Variants in DNAH5 observed in about 807,000 individuals in gnomAD.
DNAH5 encodes the protein dynein axonemal heavy chain 5.
DNAH5 carries 372 observed loss-of-function variants against 518.2 expected under a neutral mutation model. That is an observed-to-expected ratio of 0.72 (90% confidence interval 0.66 to 0.78). DNAH5 has a LOEUF of 0.78. Ranked by LOEUF, DNAH5 falls within the 30% of genes least tolerant of loss-of-function variation. DNAH5 has a pLI of 0.00. For synonymous variants in DNAH5, 2,039 were observed against 2,025.9 expected, an observed-to-expected ratio of 1.01 and a Z score of -0.17; for missense variants, 5,523 against 5,687.0, an observed-to-expected ratio of 0.97 and a Z score of 0.93.
At chr5:13,703,109 C>T (rs776721217) in intron 76 of DNAH5, among the ~76,000 whole-genome samples, 4 of 152,094 alleles carry the variant, frequency 2.6e-5, no homozygotes, top group Non-Finnish European at 4.4e-5. Context: ...CATTCTGGAA[C>T]ATTCTCTCCA....
At chr5:13,892,676 C>A (rs533505892) in intron 16 of DNAH5, among the ~76,000 whole-genome samples, 1 of 152,198 alleles carries the variant, frequency 6.6e-6, no homozygotes, top group South Asian at 2.1e-4. Context: ...TACTAGTGTT[C>A]TAAAGGAAGG....
intron 6 of DNAH5, among the ~76,000 whole-genome samples, chr5:13,919,667 T>C (rs1213887997): frequency 6.6e-6 from 1 of 152,206 alleles, no homozygotes; most frequent in Non-Finnish European, 1.5e-5. Flanking sequence ...TTTACATATT[T>C]ATGGGGTACA....
At chr5:13,864,274 G>C in intron 28 of DNAH5, 123 bp downstream of exon 28, 1 of 1,336,796 alleles carries the variant, frequency 7.5e-7, no homozygotes, top group East Asian at 2.3e-5. Flanking sequence ...ACTAGTGGCT[G>C]AATGCCAGGA....
At chr5:13,987,087 T>C (rs1783105063) in intron 1 of DNAH5, among the ~76,000 whole-genome samples, 2 of 152,172 alleles carry the variant, frequency 1.3e-5, no homozygotes, top group Admixed American at 1.3e-4. Flanking sequence ...TGTGGCCTCA[T>C]GGCAGAAGCC....
At chr5:14,006,291 G>C (rs1177941244) in intron 1 of DNAH5, among the ~76,000 whole-genome samples, 5 of 152,112 alleles carry the variant, frequency 3.3e-5, no homozygotes, top group Non-Finnish European at 7.4e-5. Flanking sequence ...GCTATAACAG[G>C]GACTAACTGA....
At chr5:13,694,268 A>G (rs1741073072) in intron 78 of DNAH5, among the ~76,000 whole-genome samples, 1 of 152,228 alleles carries the variant, frequency 6.6e-6, no homozygotes, top group Admixed American at 6.5e-5. Context: ...ATCCAATTCT[A>G]TTTATTTTTA....
intron 49 of DNAH5, among the ~76,000 whole-genome samples, chr5:13,793,159 G>T (rs1013855804): frequency 6.6e-6 from 1 of 152,036 alleles, no homozygotes; most frequent in Non-Finnish European, 1.5e-5. Context: ...ATAAACTTTC[G>T]ACATGGAACA....
At position 13,911,428 on chromosome 5, in the gene DNAH5, G is replaced by T. The variant is rs753367747; in HGVS notation, c.1602C>A (p.Asp534Glu). 3 of 1,613,784 alleles carry T rather than the reference G, an allele frequency of 1.9e-6. No homozygotes were observed. The highest frequency in any genetic ancestry group is 1.3e-5 in the African/African-American group (1 of 74,872). The change falls in exon 12 of 79, where the codon GAC becomes GAA. Residue 534 changes from aspartate to glutamate, a missense_variant. Physicochemically the swap from Asp to Glu is conservative, Grantham distance 45. This residue lies in a region of DNAH5 where 5,121 missense variants were observed against 5,223.3 expected (regional missense o/e 0.98). Transcript: ENST00000265104. ...NFLDQRKMDF[D>E]QDYEEFCKQT... The stretch of plus-strand genomic sequence containing the variant: ...GCTTGCAAAACTCTTCGTAATCTTG[G>T]TCAAAATCCATTTTCCGCTGGTCTA...
At chr5:13,795,731 G>T (rs1430235762) in intron 47 of DNAH5, among the ~76,000 whole-genome samples, 1 of 101,448 alleles carries the variant, frequency 9.9e-6, no homozygotes, top group Non-Finnish European at 2.1e-5. Context: ...ACCAAAGCCT[G>T]GCAGAGTCAC....
In DNAH5 at chr5:13,779,255, C is replaced by G. The variant is rs574744885; in HGVS notation, c.8951+1574G>C. Reference sequence around the variant, plus strand: ...ATTTCTAACCAAAAACTAGAAGAATCATATGCAAGGTAACTAGAATTATTT... The same window carrying G: ...ATTTCTAACCAAAAACTAGAAGAATGATATGCAAGGTAACTAGAATTATTT... On this transcript the variant is annotated intron_variant, in intron 53 of 78. Coordinates refer to ENST00000265104, the MANE Select transcript of DNAH5 (RefSeq NM_001369.3). Among the ~76,000 whole-genome samples, 5 of 152,332 alleles carry G rather than the reference C, an allele frequency of 3.3e-5. No homozygotes were observed. In the East Asian group the frequency reaches 9.6e-4, roughly 29 times the overall value.
At chr5:13,726,872 C>T (rs145500005) in intron 70 of DNAH5, among the ~76,000 whole-genome samples, 24 of 152,292 alleles carry the variant, frequency 1.6e-4, no homozygotes, top group African/African-American at 2.6e-4. Context: ...TGAATATCAG[C>T]GTTAAACTTT....
chr5:13,709,840 C>T lies in DNAH5; in HGVS notation c.13126-1505G>A, dbSNP rs558252550. 7.2e-4 allele frequency among the ~76,000 whole-genome samples: 110 copies of T among 152,318 alleles called. 1 individual carries two copies. The highest frequency in any genetic ancestry group is 2.6e-3 in the African/African-American group (106 of 41,564). Reference sequence around the variant, plus strand: ...TAAGGAGAGGCTGAGATCAGACACACCTAGCCTTGCCCCTACTTGGTGGTC... The same window carrying T: ...TAAGGAGAGGCTGAGATCAGACACATCTAGCCTTGCCCCTACTTGGTGGTC... On this transcript the variant is annotated intron_variant, in intron 75 of 78. Transcript: ENST00000265104.
At chr5:13,692,184 G>A (rs368864209) in intron 78 of DNAH5, 49 bp from the exon 79 acceptor site, 16 of 1,601,436 alleles carry the variant, frequency 1.0e-5, no homozygotes, top group South Asian at 7.7e-5. Flanking sequence ...CCACTTTAGA[G>A]CCCAAGGAGA....
intron 52 of DNAH5, among the ~76,000 whole-genome samples, 181 bp from the exon 53 acceptor site, chr5:13,781,140 C>T (rs1755064794): frequency 6.6e-6 from 1 of 152,250 alleles, no homozygotes; most frequent in South Asian, 2.1e-4. Context: ...CAGTGTTGGG[C>T]TGCATCAGAC....
At chr5:13,951,395 T>C (rs867885559) in intron 1 of DNAH5, among the ~76,000 whole-genome samples, 1 of 151,716 alleles carries the variant, frequency 6.6e-6, no homozygotes, top group South Asian at 2.1e-4. Context: ...TTCTTACTTA[T>C]TTTTTGTAGA....
intron 22 of DNAH5, 43 bp from the exon 23 acceptor site, chr5:13,871,808 A>C (rs1770145930): frequency 1.3e-6 from 2 of 1,543,442 alleles, no homozygotes; most frequent in South Asian, 2.2e-5. Flanking sequence ...GAAGAATCTG[A>C]AAGGCACAAT....
chr5:13,748,720 C>A (rs1048130112), intron 65 of DNAH5, among the ~76,000 whole-genome samples: 4 of 152,108 alleles, frequency 2.6e-5, no homozygotes, highest in African/African-American at 4.8e-5. Context: ...GATTTTTGCA[C>A]ATTGCTTTTG....
chr5:13,721,175 G>A lies in DNAH5; in HGVS notation c.12104C>T (p.Thr4035Met), dbSNP rs200894344. Residue 4035 changes from threonine (T) to methionine (M), a missense_variant, in exon 71 of 79, where the codon ACG becomes ATG. Thr to Met is a moderately conservative substitution (Grantham distance 81). This residue lies in a region of DNAH5 where 5,121 missense variants were observed against 5,223.3 expected (regional missense o/e 0.98). Coordinates refer to ENST00000265104, the MANE Select transcript of DNAH5 (RefSeq NM_001369.3). ...AEGVILDLEKTWEESDPRTPL... is the reference protein window; with the variant it reads ...AEGVILDLEKMWEESDPRTPL... ...CGTCCGTGGATCAGATTCCTCCCAC[G>A]TCTTCTCCAAGTCTAAAATAACACC... 97 of 1,614,076 alleles carry A rather than the reference G, an allele frequency of 6.0e-5. 1 individual carries two copies. Among genetic ancestry groups the A allele is most frequent in the Non-Finnish European group, 6.7e-5 (79 of 1,179,980 alleles).
intron 50 of DNAH5, among the ~76,000 whole-genome samples, chr5:13,789,295 T>C (rs1304377211): frequency 2.6e-5 from 4 of 152,168 alleles, no homozygotes; most frequent in East Asian, 1.9e-4. Context: ...AACTCTCATG[T>C]ATACAACTGA....
Sources: allele counts gnomAD v4.1 joint callset (sites outside exome capture counted in the v4.1 genomes callset), GRCh38; gene constraint gnomAD v4.1.1; regional missense constraint gnomAD v4.1.1; transcripts MANE v1.5; gene names NCBI Gene and HGNC (gene_info 2026-07-23, HGNC 2026-07-21).